SBF2: variants seen among roughly 807,000 people sequenced by gnomAD.
SBF2 encodes the protein myotubularin-related protein 13.
SBF2 carries 112 observed loss-of-function variants against 225.2 expected under a neutral mutation model. The observed-to-expected ratio is 0.50, with a 90% CI of 0.43 to 0.58. The LOEUF (loss-of-function observed/expected upper bound fraction) is 0.58. SBF2 is among the 20% of genes least tolerant of loss of function. The pLI, the probability that SBF2 is intolerant of heterozygous loss-of-function variation, is 0.00. For missense variants in SBF2, 1,996 were observed against 2,206.2 expected, an observed-to-expected ratio of 0.90 and a Z score of 1.91; for synonymous variants, 763 against 773.3, an observed-to-expected ratio of 0.99 and a Z score of 0.22.
intron 2 of SBF2, among the ~76,000 whole-genome samples, chr11:10,152,918 A>G (rs191524983): frequency 1.8e-4 from 27 of 152,306 alleles, no homozygotes; most frequent in African/African-American, 5.8e-4. Context: ...TCCGTAATAC[A>G]TTTTCTGGGG....
intron 2 of SBF2, among the ~76,000 whole-genome samples, chr11:10,174,745 G>T (rs1199366809): frequency 3.6e-4 from 54 of 152,080 alleles, no homozygotes; most frequent in Non-Finnish European, 6.5e-4. Flanking sequence ...GAAAAAATGT[G>T]AAGGGCAGCC....
At chr11:9,807,916 G>A in intron 32 of SBF2, 84 bp downstream of exon 32, 1 of 1,204,352 alleles carries the variant, frequency 8.3e-7, no homozygotes, top group Non-Finnish European at 1.2e-6. Flanking sequence ...GAAGGTACCG[G>A]GCACACCATC....
At chr11:9,987,672 C>G (rs1158033010) in intron 13 of SBF2, among the ~76,000 whole-genome samples, 1 of 151,902 alleles carries the variant, frequency 6.6e-6, no homozygotes, top group East Asian at 1.9e-4. Context: ...TTTACAATAG[C>G]TGCAAAAAAG....
chr11:10,262,878 CCAGAGGTCT>C (rs1203808282), intron 1 of SBF2, among the ~76,000 whole-genome samples: 5 of 152,090 alleles, frequency 3.3e-5, no homozygotes, highest in Non-Finnish European at 7.4e-5. Flanking sequence ...AGCTATGACA[CCAGAGGTCT>C]CAGATTCTTT....
chr11:9,935,615 AC>A (rs1307151184), intron 16 of SBF2, among the ~76,000 whole-genome samples: 1 of 152,204 alleles, frequency 6.6e-6, no homozygotes, highest in African/African-American at 2.4e-5. Flanking sequence ...AGATATATAG[AC>A]CAATGGAACA....
chr11:9,958,742 G>A, intron 16 of SBF2: 1 of 425,254 alleles, frequency 2.4e-6, no homozygotes, highest in South Asian at 2.1e-5. Flanking sequence ...AGTTCACTTA[G>A]TTTTTGTACT....
chr11:9,846,313 G>A (rs532720010), intron 23 of SBF2, among the ~76,000 whole-genome samples: 2 of 152,138 alleles, frequency 1.3e-5, no homozygotes, highest in Non-Finnish European at 2.9e-5. Flanking sequence ...TGACTAGAAG[G>A]AAAGAGGCAA....
Position 9,780,499 on chromosome 11 carries a change from AC to A in SBF2, c.5468del (p.Arg1823LeufsTer54), listed in dbSNP as rs1564845706. Reference protein sequence around the residue: ...KAFFDLKTSKRVYNFCAQDGQ... With the variant: ...KAFFDLKTSKXVYNFCAQDGQ... ...CATCCTGGGCGCAGAAGTTATACAC[AC>A]GTTTGCTGGTCTTGAGCTACAAAAC... is the stretch of plus-strand genomic sequence containing the variant. On this transcript the variant is annotated frameshift_variant, in exon 40 of 40. Coordinates refer to ENST00000256190, the MANE Select transcript of SBF2 (RefSeq NM_030962.4). LOFTEE classifies it high-confidence loss of function. The A allele has an allele frequency of 6.2e-7, 1 of 1,614,106 alleles. No individual in the cohort carries two copies. The highest frequency in any genetic ancestry group is 8.5e-7 in the Non-Finnish European group (1 of 1,180,000).
intron 13 of SBF2, among the ~76,000 whole-genome samples, chr11:9,975,869 G>A (rs1481302472): frequency 1.3e-5 from 2 of 152,060 alleles, no homozygotes; most frequent in African/African-American, 2.4e-5. Flanking sequence ...CATCAGTGTA[G>A]ATGACATGTA....
At chr11:10,068,176 C>T (rs953307910) in intron 2 of SBF2, among the ~76,000 whole-genome samples, 1 of 152,190 alleles carries the variant, frequency 6.6e-6, no homozygotes, top group Non-Finnish European at 1.5e-5. Flanking sequence ...TAGCATAGCA[C>T]CCACATGGTT....
At chr11:9,817,678 G>T (rs1854523441) in intron 28 of SBF2, among the ~76,000 whole-genome samples, 1 of 150,716 alleles carries the variant, frequency 6.6e-6, no homozygotes, top group Non-Finnish European at 1.5e-5. Flanking sequence ...GCCAAGGTGG[G>T]CAGATCGCTT....
intron 2 of SBF2, among the ~76,000 whole-genome samples, chr11:10,074,524 ATTATCTCTCAAAG>A (rs1226481163): frequency 7.9e-5 from 12 of 152,306 alleles, no homozygotes; most frequent in East Asian, 5.8e-4. Flanking sequence ...TGCAGATTTT[ATTATCTCTCAAAG>A]TTATCTCTCA....
chr11:10,059,316 G>T (rs1246357344), intron 2 of SBF2, among the ~76,000 whole-genome samples: 1 of 151,924 alleles, frequency 6.6e-6, no homozygotes, highest in African/African-American at 2.4e-5. Flanking sequence ...TAAAAGCATA[G>T]AGAAAGATCT....
chr11:9,799,236 T>C (rs1251421247), intron 32 of SBF2, among the ~76,000 whole-genome samples: 2 of 152,166 alleles, frequency 1.3e-5, no homozygotes, highest in Non-Finnish European at 2.9e-5. Context: ...AAAAAATGCT[T>C]TCGTAGCCCA....
In SBF2 at chr11:9,844,406, C is replaced by A. The variant is rs182818626; in HGVS notation, c.3110+1159G>T. On this transcript the variant is annotated intron_variant, in intron 24 of 39. Coordinates refer to ENST00000256190, the MANE Select transcript of SBF2 (RefSeq NM_030962.4). ...TATTGTAATTTGTATTGGCAGATGCCCGAATTCTACATGGTTAACAGTGAA... is the reference window on the plus strand; with the variant it reads ...TATTGTAATTTGTATTGGCAGATGCACGAATTCTACATGGTTAACAGTGAA... Among the ~76,000 whole-genome samples, 957 of 152,216 alleles carry A rather than the reference C, an allele frequency of 6.3e-3. 50 individuals carry two copies. Among genetic ancestry groups the A allele is most frequent in the Admixed American group, 0.05 (758 of 15,282 alleles).
At chr11:9,874,655 TG>T (rs1859066792) in intron 17 of SBF2, among the ~76,000 whole-genome samples, 1 of 152,230 alleles carries the variant, frequency 6.6e-6, no homozygotes, top group South Asian at 2.1e-4. Flanking sequence ...TGTGGTCTTC[TG>T]AGAATGAGTG....
At chr11:10,005,455 G>A (rs1169967169) in intron 6 of SBF2, among the ~76,000 whole-genome samples, 1 of 152,130 alleles carries the variant, frequency 6.6e-6, no homozygotes, top group Non-Finnish European at 1.5e-5. Flanking sequence ...CTCAAACAGT[G>A]CACTTGATCT....
chr11:10,132,311 G>A (rs1378902732), intron 2 of SBF2, among the ~76,000 whole-genome samples: 1 of 152,152 alleles, frequency 6.6e-6, no homozygotes, highest in Non-Finnish European at 1.5e-5. Flanking sequence ...GTGAACGACA[G>A]GGGTCCTAAT....
At chr11:10,130,412 C>T (rs1417012466) in intron 2 of SBF2, among the ~76,000 whole-genome samples, 1 of 151,792 alleles carries the variant, frequency 6.6e-6, no homozygotes, top group Non-Finnish European at 1.5e-5. Context: ...AACAATATAC[C>T]CTTAAACAAT....
Sources: allele counts gnomAD v4.1 joint callset (sites outside exome capture counted in the v4.1 genomes callset), GRCh38; gene constraint gnomAD v4.1.1; transcripts MANE v1.5; gene names NCBI Gene and HGNC (gene_info 2026-07-23, HGNC 2026-07-21).